The following SEL1L3 variants were observed in gnomAD, a reference collection of about 807,000 sequenced individuals.
SEL1L3 encodes the protein SEL1L family member 3.
A neutral mutation model predicts 142.8 loss-of-function variants in SEL1L3; 76 were observed. The ratio of observed to expected loss-of-function variants is 0.53; its 90% CI spans 0.44 to 0.64. The LOEUF is 0.64. SEL1L3 is among the 30% of genes least tolerant of loss of function. SEL1L3 has a pLI of 0.00. For missense variants in SEL1L3, 1,262 were observed against 1,381.7 expected (o/e 0.91, Z 1.37); for synonymous variants, 504 against 519.6 (o/e 0.97, Z 0.41).
intron 1 of SEL1L3, among the ~76,000 whole-genome samples, 178 bp from the exon 2 acceptor site, chr4:25,848,042 C>T (rs117992432): frequency 6.6e-6 from 1 of 152,150 alleles, no homozygotes; most frequent in African/African-American, 2.4e-5. Context: ...AAAACCAACA[C>T]ACAAATACAA....
chr4:25,723,003 C>T, the SEL1L3 span, among the ~76,000 whole-genome samples: 9 of 152,074 alleles, frequency 5.9e-5, no homozygotes, highest in Admixed American at 2.0e-4. Flanking sequence ...GAGAGTGTCC[C>T]GGCCTGACCC....
intron 9 of SEL1L3, among the ~76,000 whole-genome samples, chr4:25,816,333 C>A (rs865801283): frequency 3.6e-4 from 54 of 151,916 alleles, no homozygotes; most frequent in African/African-American, 1.2e-3. Context: ...AAGTAACTTG[C>A]CCAAATCACA....
chr4:25,861,180 G>A (rs1028511046), intron 1 of SEL1L3, among the ~76,000 whole-genome samples: 27 of 152,184 alleles, frequency 1.8e-4, no homozygotes, highest in Non-Finnish European at 2.4e-4. Flanking sequence ...GGGATCATCT[G>A]TTTAAACTGA....
chr4:25,808,943 A>C (rs60950850), intron 9 of SEL1L3, among the ~76,000 whole-genome samples: 1 of 145,082 alleles, frequency 6.9e-6, no homozygotes, highest in Non-Finnish European at 1.5e-5. Flanking sequence ...TGTGGTGGCG[A>C]GTGCCTGTAG....
intron 9 of SEL1L3, among the ~76,000 whole-genome samples, chr4:25,813,305 G>A (rs542453775): frequency 8.0e-4 from 121 of 152,180 alleles, no homozygotes; most frequent in Non-Finnish European, 1.4e-3. Context: ...CAACTCAAGT[G>A]TCCATCGATG....
intron 2 of SEL1L3, among the ~76,000 whole-genome samples, chr4:25,846,289 T>C (rs1341143886): frequency 6.6e-6 from 1 of 152,208 alleles, no homozygotes; most frequent in East Asian, 1.9e-4. Flanking sequence ...GGATTGGTCC[T>C]GCTGAGGCTG....
chr4:25,810,903 G>T (rs533452309), intron 9 of SEL1L3, among the ~76,000 whole-genome samples: 1 of 152,236 alleles, frequency 6.6e-6, no homozygotes, highest in Non-Finnish European at 1.5e-5. Flanking sequence ...ATTCAAAGGC[G>T]TGCCCGCTCT....
At chr4:25,808,415 T>C (rs1713748294) in intron 9 of SEL1L3, among the ~76,000 whole-genome samples, 1 of 152,202 alleles carries the variant, frequency 6.6e-6, no homozygotes, top group African/African-American at 2.4e-5. Context: ...GTTTGTGTGC[T>C]CATCTTTAGA....
intron 1 of SEL1L3, among the ~76,000 whole-genome samples, chr4:25,860,266 C>T (rs1198938759): frequency 2.6e-5 from 4 of 152,164 alleles, no homozygotes; most frequent in Non-Finnish European, 4.4e-5. Flanking sequence ...AAAGACCTTT[C>T]CTCCTCTAGA....
chr4:25,736,819 G>A, the SEL1L3 span, among the ~76,000 whole-genome samples: 2 of 150,380 alleles, frequency 1.3e-5, no homozygotes, highest in African/African-American at 4.9e-5. Flanking sequence ...TTTGTCATAC[G>A]TTGTTAGTGG....
At chr4:25,742,199 A>G in the SEL1L3 span, among the ~76,000 whole-genome samples, 3 of 152,048 alleles carry the variant, frequency 2.0e-5, no homozygotes, top group African/African-American at 4.8e-5. Flanking sequence ...TTATTTATTT[A>G]TTGAGAGACA....
At chr4:25,814,689 C>T (rs894788512) in intron 9 of SEL1L3, among the ~76,000 whole-genome samples, 12 of 152,012 alleles carry the variant, frequency 7.9e-5, no homozygotes, top group South Asian at 2.1e-4. Flanking sequence ...CTGGGAACGG[C>T]GATAGCGTCA....
rs1416641732 is a variant in SEL1L3, at chr4:25,788,432, G to A, written c.2077-68C>T. 3.3e-6 allele frequency: 5 copies of A among 1,523,980 alleles called. No individual in the cohort carries two copies. The highest frequency in any genetic ancestry group is 4.5e-6 in the Non-Finnish European group (5 of 1,113,048). The allele number at this position is 1,523,980 out of a possible 1,614,324, so 94.4% of individuals were successfully genotyped here. The stretch of plus-strand genomic sequence containing the variant: ...AATGCTTAACACAAGATTTTGAAAG[G>A]TGGGAGAGCAAACCTACTTTACGAT... On this transcript the variant is annotated intron_variant, in intron 12 of 23. Transcript: ENST00000399878. This position sits in a 1 kb window ranked among gnomAD's most constrained non-coding sequence, Gnocchi z 5.3.
At chr4:25,791,978 C>G (rs532044477) in intron 11 of SEL1L3, among the ~76,000 whole-genome samples, 8 of 151,698 alleles carry the variant, frequency 5.3e-5, no homozygotes, top group Non-Finnish European at 1.0e-4. Context: ...CAGAATGTCT[C>G]TCAGCTGCCT....
chr4:25,833,653 TG>T (rs1715589534), intron 3 of SEL1L3, 84 bp from the exon 4 acceptor site: 1 of 1,259,252 alleles, frequency 7.9e-7, no homozygotes, highest in South Asian at 1.6e-5. Flanking sequence ...CCAAGTAAAT[TG>T]CTTTCTTTCC....
At chr4:25,805,162 G>A (rs1215074943) in intron 9 of SEL1L3, among the ~76,000 whole-genome samples, 2 of 152,130 alleles carry the variant, frequency 1.3e-5, no homozygotes. Context: ...CTAAAAAGTT[G>A]AGCAAAAGAA....
At chr4:25,853,086 T>C (rs984129733) in intron 1 of SEL1L3, among the ~76,000 whole-genome samples, 1 of 152,222 alleles carries the variant, frequency 6.6e-6, no homozygotes, top group Non-Finnish European at 1.5e-5. Context: ...ATAATGGACA[T>C]ACATACACGC....
Position 25,767,739 on chromosome 4 carries a change from C to T in SEL1L3, c.2760+1G>A. ...ACTCTGAGAAGAATACATTTACTTA[C>T]TGGCCTCTCCTCACAGATGTGTGCT... On this transcript the variant is annotated splice_donor_variant, in intron 18 of 23. Coordinates refer to ENST00000399878, the MANE Select transcript of SEL1L3 (RefSeq NM_015187.5). LOFTEE classifies it high-confidence loss of function. The T allele has an allele frequency of 6.4e-7, 1 of 1,560,868 alleles. No homozygotes were observed. Among genetic ancestry groups the T allele is most frequent in the Non-Finnish European group, 8.7e-7 (1 of 1,144,932 alleles).
At position 25,769,738 on chromosome 4, in the gene SEL1L3, T is replaced by C. The variant is rs144576442; in HGVS notation, c.2670-1908A>G. On this transcript the variant is annotated intron_variant, in intron 17 of 23. Transcript: ENST00000399878. The stretch of plus-strand genomic sequence containing the variant: ...AGGGATTGATGAGGAAAGGAGACAG[T>C]GTAGACCTGCAAACCAAGGTCAAAT... Among the ~76,000 whole-genome samples, 500 of 152,312 alleles carry C rather than the reference T, an allele frequency of 3.3e-3. 1 individual carries two copies. Among genetic ancestry groups the C allele is most frequent in the African/African-American group, 0.01 (434 of 41,564 alleles).
Sources: allele counts gnomAD v4.1 joint callset (sites outside exome capture counted in the v4.1 genomes callset), GRCh38; gene constraint gnomAD v4.1.1; non-coding constraint Gnocchi (gnomAD v3.1); transcripts MANE v1.5; gene names NCBI Gene and HGNC (gene_info 2026-07-23, HGNC 2026-07-21).